The following GALNT13 variants were observed in gnomAD, a reference collection of about 807,000 sequenced individuals.
GALNT13 encodes the protein polypeptide N-acetylgalactosaminyltransferase 13.
Under a neutral mutation model 64.2 loss-of-function variants are expected in GALNT13, and 28 were observed. The ratio of observed to expected loss-of-function variants is 0.44; its 90% CI spans 0.32 to 0.60. The LOEUF (loss-of-function observed/expected upper bound fraction) is 0.60. GALNT13 is among the 20% of genes least tolerant of loss of function. The pLI, the probability that GALNT13 is intolerant of heterozygous loss-of-function variation, is 0.05. For missense variants in GALNT13, 577 were observed against 669.8 expected, an observed-to-expected ratio of 0.86 and a Z score of 1.53; for synonymous variants, 214 against 224.6, an observed-to-expected ratio of 0.95 and a Z score of 0.42.
chr2:153,853,674 T>G, the GALNT13 span, among the ~76,000 whole-genome samples: 1 of 151,278 alleles, frequency 6.6e-6, no homozygotes, highest in African/African-American at 2.4e-5. Context: ...GTGATTCAAT[T>G]ATATAAATAT....
At chr2:153,469,106 G>T in the GALNT13 span, among the ~76,000 whole-genome samples, 1 of 152,042 alleles carries the variant, frequency 6.6e-6, no homozygotes, top group South Asian at 2.1e-4. Context: ...AAATATAGGA[G>T]GACCATCATG....
chr2:153,632,634 A>G, the GALNT13 span, among the ~76,000 whole-genome samples: 11 of 152,306 alleles, frequency 7.2e-5, no homozygotes, highest in Middle Eastern at 3.4e-3. Flanking sequence ...ATAGGATACA[A>G]TTTGAATCAT....
chr2:153,101,823 CTT>C, the GALNT13 span, among the ~76,000 whole-genome samples: 1 of 152,216 alleles, frequency 6.6e-6, no homozygotes, highest in Admixed American at 6.5e-5. Context: ...GCACATCTGT[CTT>C]TGCGTAGAAA....
intron 4 of GALNT13, among the ~76,000 whole-genome samples, chr2:154,170,401 A>G (rs971307325): frequency 2.6e-5 from 4 of 152,204 alleles, no homozygotes; most frequent in African/African-American, 7.2e-5. Flanking sequence ...ACTGTATTCA[A>G]TAAGGGAAAG....
intron 9 of GALNT13, among the ~76,000 whole-genome samples, chr2:154,365,050 A>T (rs1477946812): frequency 6.6e-6 from 1 of 152,206 alleles, no homozygotes; most frequent in African/African-American, 2.4e-5. Flanking sequence ...CACCTACTAG[A>T]CAAACTAGTT....
chr2:154,194,986 ACG>A, intron 4 of GALNT13, among the ~76,000 whole-genome samples: 1 of 151,346 alleles, frequency 6.6e-6, no homozygotes, highest in Non-Finnish European at 1.5e-5. Context: ...TTTAAGCCCC[ACG>A]TGCATTAGGT....
At chr2:154,049,822 G>A (rs1477845430) in intron 3 of GALNT13, among the ~76,000 whole-genome samples, 1 of 151,838 alleles carries the variant, frequency 6.6e-6, no homozygotes, top group Non-Finnish European at 1.5e-5. Context: ...TTCTTTTGTT[G>A]ACAATTTGAA....
chr2:154,396,264 A>G (rs1699048176), intron 10 of GALNT13, 134 bp downstream of exon 10: 2 of 495,750 alleles, frequency 4.0e-6, no homozygotes, highest in African/African-American at 2.0e-5. Flanking sequence ...ACAACTTCTC[A>G]TATTTCAAGG....
At chr2:154,213,732 G>T (rs1687898773) in intron 4 of GALNT13, among the ~76,000 whole-genome samples, 1 of 151,954 alleles carries the variant, frequency 6.6e-6, no homozygotes, top group African/African-American at 2.4e-5. Flanking sequence ...GAAGGGAGTG[G>T]GAAATCATGT....
chr2:153,590,810 T>C, the GALNT13 span, among the ~76,000 whole-genome samples: 1 of 152,034 alleles, frequency 6.6e-6, no homozygotes, highest in East Asian at 1.9e-4. Context: ...TATAGAAGGA[T>C]TGTGTCTCAA....
the GALNT13 span, among the ~76,000 whole-genome samples, chr2:153,355,139 T>G: frequency 1.3e-5 from 2 of 152,176 alleles, no homozygotes; most frequent in South Asian, 4.1e-4. Context: ...CTTTAATGAT[T>G]TTTTCGTGAG....
At chr2:154,099,751 AAC>A (rs1376395834) in intron 3 of GALNT13, among the ~76,000 whole-genome samples, 1 of 152,094 alleles carries the variant, frequency 6.6e-6, no homozygotes, top group Non-Finnish European at 1.5e-5. Context: ...CAGCTCAGGA[AAC>A]ACAGTGAAAC....
At chr2:153,360,461 C>A in the GALNT13 span, among the ~76,000 whole-genome samples, 2 of 152,242 alleles carry the variant, frequency 1.3e-5, no homozygotes, top group South Asian at 2.1e-4. Flanking sequence ...CTTCCTAACA[C>A]ACTAAGATCC....
chr2:154,382,843 A>G (rs1396190864), intron 9 of GALNT13, among the ~76,000 whole-genome samples: 1 of 151,526 alleles, frequency 6.6e-6, no homozygotes. Context: ...CTTAACTGAG[A>G]GACTGTGGTT....
At chr2:153,279,800 G>T in the GALNT13 span, among the ~76,000 whole-genome samples, 10 of 151,982 alleles carry the variant, frequency 6.6e-5, no homozygotes, top group African/African-American at 1.9e-4. Flanking sequence ...TGTTCATCCA[G>T]AATATTAGCC....
the GALNT13 span, among the ~76,000 whole-genome samples, chr2:153,744,358 A>G: frequency 6.6e-6 from 1 of 152,094 alleles, no homozygotes; most frequent in Non-Finnish European, 1.5e-5. Context: ...TGTCTTTTGG[A>G]TAAAAACCAT....
intron 10 of GALNT13, among the ~76,000 whole-genome samples, chr2:154,404,833 ATT>A (rs776977258): frequency 6.7e-6 from 1 of 149,030 alleles, no homozygotes; most frequent in East Asian, 2.0e-4. Context: ...TAGAAGGGTA[ATT>A]TTTTTTTTTA....
the GALNT13 span, among the ~76,000 whole-genome samples, chr2:153,244,956 C>T: frequency 4.6e-5 from 7 of 152,202 alleles, no homozygotes; most frequent in Non-Finnish European, 1.0e-4. Flanking sequence ...GGGCATCCAC[C>T]ATTACTGAGG....
At chr2:153,757,870 T>C in the GALNT13 span, among the ~76,000 whole-genome samples, 33 of 152,316 alleles carry the variant, frequency 2.2e-4, no homozygotes, top group East Asian at 1.7e-3. Context: ...ATTTCATATA[T>C]ATTTTGAATA....
Sources: allele counts gnomAD v4.1 joint callset (sites outside exome capture counted in the v4.1 genomes callset), GRCh38; gene constraint gnomAD v4.1.1; transcripts MANE v1.5; gene names NCBI Gene and HGNC (gene_info 2026-07-23, HGNC 2026-07-21).